PRELID2: variants seen among roughly 807,000 people sequenced by gnomAD.
PRELID2 encodes PRELI domain containing 2.
A neutral mutation model predicts 28.4 loss-of-function variants in PRELID2; 25 were observed. The observed-to-expected ratio is 0.88, with a 90% CI of 0.64 to 1.23. PRELID2 has a LOEUF of 1.23. Ranked by LOEUF, PRELID2 falls within the 50% of genes most tolerant of loss-of-function variation. PRELID2 has a pLI of 0.00. For missense variants in PRELID2, 201 were observed against 214.4 expected, an observed-to-expected ratio of 0.94 and a Z score of 0.39; for synonymous variants, 76 against 71.6, an observed-to-expected ratio of 1.06 and a Z score of -0.31.
the PRELID2 span, among the ~76,000 whole-genome samples, chr5:145,310,433 G>T: frequency 6.6e-6 from 1 of 152,150 alleles, no homozygotes; most frequent in African/African-American, 2.4e-5. Flanking sequence ...TAAGTGGCCA[G>T]ATGCCCTTTC....
At chr5:145,634,263 T>C (rs974886326) in intron 1 of PRELID2, among the ~76,000 whole-genome samples, 1 of 152,140 alleles carries the variant, frequency 6.6e-6, no homozygotes, top group Non-Finnish European at 1.5e-5. Context: ...AATACAAACA[T>C]CACTGGGTCA....
rs78050773 is a variant in PRELID2, at chr5:145,591,816, A to G, written n.71-118501T>C. On this transcript the variant is annotated intron_variant and non_coding_transcript_variant, in intron 1 of 2. Transcript: ENST00000510259. ...ATATCAGCATTTGACTTGCATACTT[A>G]AAACCTTTCCCTGGATCTGATTTGA... is the stretch of plus-strand genomic sequence containing the variant. 2.6e-5 allele frequency among the ~76,000 whole-genome samples: 4 copies of G among 152,338 alleles called. No individual in the cohort carries two copies. In the East Asian group the frequency reaches 7.7e-4, roughly 29 times the overall value.
the PRELID2 span, among the ~76,000 whole-genome samples, chr5:145,465,269 T>C: frequency 4.6e-5 from 7 of 152,154 alleles, no homozygotes; most frequent in Non-Finnish European, 8.8e-5. Context: ...CCATCAAAGA[T>C]TCTGATTTAG....
intron 1 of PRELID2, among the ~76,000 whole-genome samples, chr5:145,738,273 T>C (rs1756553704): frequency 6.6e-6 from 1 of 151,996 alleles, no homozygotes; most frequent in Admixed American, 6.6e-5. Context: ...ATACCCAAAA[T>C]ATCCAAGTTT....
chr5:145,383,753 C>A, the PRELID2 span, among the ~76,000 whole-genome samples: 3 of 151,688 alleles, frequency 2.0e-5, no homozygotes, highest in African/African-American at 7.3e-5. Flanking sequence ...TTAGAAATAT[C>A]CTTTTGATCT....
the PRELID2 span, among the ~76,000 whole-genome samples, chr5:145,309,675 T>C: frequency 2.2e-3 from 340 of 152,342 alleles, 3 homozygotes; most frequent in African/African-American, 7.9e-3. Flanking sequence ...TCAGTCTTCC[T>C]ATCTCACTTA....
chr5:145,832,187 T>A (rs139239928), intron 1 of PRELID2, among the ~76,000 whole-genome samples: 2 of 152,090 alleles, frequency 1.3e-5, no homozygotes, highest in African/African-American at 4.8e-5. Flanking sequence ...TGGGTTTTTT[T>A]GTTTGTTTTT....
At chr5:145,444,738 C>T in the PRELID2 span, among the ~76,000 whole-genome samples, 1 of 151,944 alleles carries the variant, frequency 6.6e-6, no homozygotes, top group Non-Finnish European at 1.5e-5. Context: ...GAGTCTCTAA[C>T]TATATCATCC....
At chr5:145,460,888 A>T in the PRELID2 span, among the ~76,000 whole-genome samples, 79 of 152,372 alleles carry the variant, frequency 5.2e-4, 1 homozygote, top group Middle Eastern at 6.8e-3. Context: ...TATTTCAAAG[A>T]TGTTTTATAT....
the PRELID2 span, among the ~76,000 whole-genome samples, chr5:145,251,164 T>G: frequency 6.6e-6 from 1 of 152,056 alleles, no homozygotes; most frequent in Non-Finnish European, 1.5e-5. Flanking sequence ...CCCAGTAGTT[T>G]CTTATCTTGA....
intron 1 of PRELID2, among the ~76,000 whole-genome samples, chr5:145,486,462 C>A (rs564152143): frequency 6.6e-6 from 1 of 152,154 alleles, no homozygotes; most frequent in Admixed American, 6.5e-5. Context: ...AAAATTCATG[C>A]AATGAGTCCA....
chr5:145,657,766 T>C (rs1193580968), intron 1 of PRELID2, among the ~76,000 whole-genome samples: 3 of 152,176 alleles, frequency 2.0e-5, no homozygotes, highest in South Asian at 2.1e-4. Context: ...TCCTCAAATG[T>C]TGACTCTGCC....
At chr5:145,811,254 A>T (rs1753918489) in intron 4 of PRELID2, among the ~76,000 whole-genome samples, 1 of 152,034 alleles carries the variant, frequency 6.6e-6, no homozygotes, top group Non-Finnish European at 1.5e-5. Context: ...ACATATGGGA[A>T]TTGTGTGAGC....
At chr5:145,708,817 G>A (rs999601514) in intron 1 of PRELID2, among the ~76,000 whole-genome samples, 2 of 152,188 alleles carry the variant, frequency 1.3e-5, no homozygotes, top group African/African-American at 4.8e-5. Context: ...CCAGTGCCAA[G>A]TTTCCTCATG....
intron 1 of PRELID2, among the ~76,000 whole-genome samples, chr5:145,731,612 C>T (rs899559345): frequency 2.0e-5 from 3 of 152,232 alleles, no homozygotes; most frequent in Non-Finnish European, 4.4e-5. Context: ...CCCTTCCTCA[C>T]TATACTTTGT....
At chr5:145,703,578 C>T (rs1755466944) in intron 1 of PRELID2, among the ~76,000 whole-genome samples, 1 of 152,162 alleles carries the variant, frequency 6.6e-6, no homozygotes. Flanking sequence ...TGAAATGGGA[C>T]ATTTGACTAA....
chr5:145,824,215 C>T (rs1019085708), intron 1 of PRELID2, among the ~76,000 whole-genome samples: 2 of 152,034 alleles, frequency 1.3e-5, no homozygotes, highest in South Asian at 2.1e-4. Context: ...CTGAGGTTTA[C>T]CGACGTATCA....
chr5:145,616,389 G>T (rs1753697778), intron 1 of PRELID2, among the ~76,000 whole-genome samples: 1 of 152,044 alleles, frequency 6.6e-6, no homozygotes, highest in African/African-American at 2.4e-5. Context: ...TTCTTAGGTT[G>T]GTATCAGGGG....
At chr5:145,803,317 A>G (rs1229259822) in intron 4 of PRELID2, among the ~76,000 whole-genome samples, 2 of 152,202 alleles carry the variant, frequency 1.3e-5, no homozygotes, top group African/African-American at 4.8e-5. Context: ...CTGCCTCCAC[A>G]GAAAACCAAT....
Sources: allele counts gnomAD v4.1 joint callset (sites outside exome capture counted in the v4.1 genomes callset), GRCh38; gene constraint gnomAD v4.1.1; transcripts MANE v1.5; gene names NCBI Gene and HGNC (gene_info 2026-07-23, HGNC 2026-07-21).